PPM1L: variants seen among roughly 807,000 people sequenced by gnomAD.
PPM1L encodes protein phosphatase, Mg2+/Mn2+ dependent 1L, also known as protein phosphatase 1L.
Under a neutral mutation model 31.4 loss-of-function variants are expected in PPM1L, and 13 were observed. The ratio of observed to expected loss-of-function variants is 0.41; its 90% CI spans 0.27 to 0.66. The LOEUF is 0.66. Ranked by LOEUF, PPM1L falls within the 30% of genes least tolerant of loss-of-function variation. The pLI is 0.29. For synonymous variants in PPM1L, 184 were observed against 175.4 expected, an observed-to-expected ratio of 1.05 and a Z score of -0.39; for missense variants, 326 against 453.7, an observed-to-expected ratio of 0.72 and a Z score of 2.56.
intron 2 of PPM1L, among the ~76,000 whole-genome samples, chr3:160,983,139 A>T (rs1262383295): frequency 6.6e-6 from 1 of 152,330 alleles, no homozygotes; most frequent in Non-Finnish European, 1.5e-5. Flanking sequence ...AAATAGAGAT[A>T]AACTAAGCCA....
chr3:161,014,632 G>A (rs1217958290), intron 2 of PPM1L, among the ~76,000 whole-genome samples: 6 of 151,936 alleles, frequency 3.9e-5, no homozygotes, highest in South Asian at 2.1e-4. Context: ...ACGCCACCAC[G>A]CCCAGCTAAC....
intron 2 of PPM1L, among the ~76,000 whole-genome samples, chr3:160,968,288 T>C (rs1251083945): frequency 1.3e-5 from 2 of 152,214 alleles, no homozygotes; most frequent in Non-Finnish European, 2.9e-5. Flanking sequence ...GGTTTATATT[T>C]GATCTATTAA....
chr3:160,812,177 G>T (rs1329395686), intron 1 of PPM1L, among the ~76,000 whole-genome samples: 1 of 152,152 alleles, frequency 6.6e-6, no homozygotes, highest in Non-Finnish European at 1.5e-5. Flanking sequence ...TGTATGTGAG[G>T]CTTTGGCCCT....
intron 1 of PPM1L, among the ~76,000 whole-genome samples, chr3:160,890,757 T>C (rs993009921): frequency 5.9e-5 from 9 of 152,194 alleles, no homozygotes; most frequent in African/African-American, 2.2e-4. Flanking sequence ...AAAAACAGCA[T>C]GGTACTGTTA....
chr3:160,806,725 T>C (rs900333566), intron 1 of PPM1L, among the ~76,000 whole-genome samples: 1 of 149,712 alleles, frequency 6.7e-6, no homozygotes, highest in Admixed American at 6.7e-5. Context: ...AGCAACATAG[T>C]AAGACCTCTT....
intron 1 of PPM1L, among the ~76,000 whole-genome samples, chr3:160,760,728 T>G (rs1714949542): frequency 6.6e-6 from 1 of 152,138 alleles, no homozygotes; most frequent in South Asian, 2.1e-4. Context: ...TTTTGTTTTT[T>G]TTTTTTAATA....
Position 160,924,858 on chromosome 3 carries a change from T to C in PPM1L, c.400-36878T>C, listed in dbSNP as rs1714533296. ...CTGAAATTACAAGCTAAATTCTGACTTATATCTAATGATAGGAAACAATTC... is the reference window on the plus strand; with the variant it reads ...CTGAAATTACAAGCTAAATTCTGACCTATATCTAATGATAGGAAACAATTC... On this transcript the variant is annotated intron_variant, in intron 1 of 3. Coordinates refer to ENST00000498165, the MANE Select transcript of PPM1L (RefSeq NM_139245.4). Among the ~76,000 whole-genome samples, 13 of 152,324 alleles carry C rather than the reference T, an allele frequency of 8.5e-5. No individual in the cohort carries two copies. The South Asian group carries it at 2.7e-3, about 32-fold the overall frequency.
At chr3:161,033,115 C>T (rs1049546293) in intron 2 of PPM1L, among the ~76,000 whole-genome samples, 1 of 151,942 alleles carries the variant, frequency 6.6e-6, no homozygotes, top group Admixed American at 6.6e-5. Flanking sequence ...AATAAAGTAC[C>T]TAGGAATACA....
intron 1 of PPM1L, among the ~76,000 whole-genome samples, chr3:160,843,642 G>T (rs1260765062): frequency 6.6e-6 from 1 of 151,308 alleles, no homozygotes; most frequent in African/African-American, 2.4e-5. Flanking sequence ...ACAGGCCCCG[G>T]TGTGTGATGT....
chr3:160,933,601 T>C (rs1248999665), intron 1 of PPM1L, among the ~76,000 whole-genome samples: 1 of 152,108 alleles, frequency 6.6e-6, no homozygotes, highest in African/African-American at 2.4e-5. Flanking sequence ...GCTAGGGAAG[T>C]TGGTGGGTAA....
rs572228721 is a variant in PPM1L, at chr3:161,028,632, A to G, written c.575-36771A>G. On this transcript the variant is annotated intron_variant, in intron 2 of 3. Transcript: ENST00000498165. Reference sequence around the variant, plus strand: ...CTGGGCCAGCATGGTTGTTGCTGAGAATCTCAGCCTTACTGCAAGGCAGAA... The same window carrying G: ...CTGGGCCAGCATGGTTGTTGCTGAGGATCTCAGCCTTACTGCAAGGCAGAA... Among the ~76,000 whole-genome samples the G allele has an allele frequency of 3.8e-4, 58 of 152,308 alleles. 1 individual carries two copies. The South Asian group carries it at 0.01, about 27-fold the overall frequency.
At chr3:160,976,358 G>A (rs1261985679) in intron 2 of PPM1L, among the ~76,000 whole-genome samples, 4 of 141,874 alleles carry the variant, frequency 2.8e-5, no homozygotes, top group Admixed American at 7.2e-5. Flanking sequence ...GTCTCTGCCC[G>A]GCTTTGGTAT....
Position 161,074,421 on chromosome 3 carries a change from G to A in PPM1L, c.*5264G>A, listed in dbSNP as rs929506169. 8 of 152,192 alleles carry A rather than the reference G, an allele frequency of 5.3e-5. No homozygotes were observed. Among genetic ancestry groups the A allele is most frequent in the African/African-American group, 1.9e-4 (8 of 41,448 alleles). 9.4% of individuals were successfully genotyped at this position (152,192 alleles called of 1,614,324 possible). A position where few individuals can be genotyped will look rare whatever the true frequency, so the allele number is the denominator to read the frequency against. ...AATCTAGTCGAAAACATGGTACAGA[G>A]TGAATTAAGGCAAAAGTCATTAACT... On this transcript the variant is annotated 3_prime_UTR_variant, in exon 4 of 4. Transcript: ENST00000498165.
intron 2 of PPM1L, among the ~76,000 whole-genome samples, chr3:161,063,968 A>G (rs886351078): frequency 6.6e-6 from 1 of 152,130 alleles, no homozygotes; most frequent in South Asian, 2.1e-4. Flanking sequence ...GAGTTGAACA[A>G]TGAGAACATA....
At chr3:160,991,788 T>C (rs1717143449) in intron 2 of PPM1L, among the ~76,000 whole-genome samples, 1 of 152,156 alleles carries the variant, frequency 6.6e-6, no homozygotes, top group Admixed American at 6.5e-5. Context: ...TGTCTACAAG[T>C]GTATGCCATT....
intron 1 of PPM1L, among the ~76,000 whole-genome samples, chr3:160,953,231 A>G (rs1206348265): frequency 1.3e-5 from 2 of 152,194 alleles, no homozygotes; most frequent in South Asian, 2.1e-4. Flanking sequence ...TCTTCTAAAT[A>G]AGAATTTATT....
At chr3:160,810,349 CT>C (rs1467313638) in intron 1 of PPM1L, among the ~76,000 whole-genome samples, 16 of 152,106 alleles carry the variant, frequency 1.1e-4, no homozygotes, top group Admixed American at 7.2e-4. Context: ...TAAAATCAGC[CT>C]GTATGTATTT....
chr3:160,839,310 C>G (rs1713801247), intron 1 of PPM1L, among the ~76,000 whole-genome samples: 1 of 152,184 alleles, frequency 6.6e-6, no homozygotes, highest in African/African-American at 2.4e-5. Flanking sequence ...GCCAACCTTT[C>G]TAGTACATTT....
chr3:160,905,797 C>T (rs975130445), intron 1 of PPM1L, among the ~76,000 whole-genome samples: 10 of 151,846 alleles, frequency 6.6e-5, no homozygotes, highest in Non-Finnish European at 1.2e-4. Context: ...ATTGGTTGAC[C>T]CTATTCTCAT....
Sources: allele counts gnomAD v4.1 joint callset (sites outside exome capture counted in the v4.1 genomes callset), GRCh38; gene constraint gnomAD v4.1.1; transcripts MANE v1.5; gene names NCBI Gene and HGNC (gene_info 2026-07-23, HGNC 2026-07-21).